Variants in STAC observed in about 807,000 individuals in gnomAD.
STAC encodes the protein SH3 and cysteine-rich domain-containing protein.
Under a neutral mutation model 48.8 loss-of-function variants are expected in STAC, and 43 were observed. That is an observed-to-expected ratio of 0.88 (90% CI 0.69 to 1.14). The LOEUF (loss-of-function observed/expected upper bound fraction) is 1.14, where lower values mean the gene tolerates loss of function less well. Ranked by LOEUF, STAC falls within the 50% of genes most tolerant of loss-of-function variation. The pLI is 0.00. For synonymous variants in STAC, 193 were observed against 179.5 expected (o/e 1.07, Z -0.60); for missense variants, 497 against 504.0 (o/e 0.99, Z 0.13).
intron 10 of STAC, among the ~76,000 whole-genome samples, chr3:36,545,279 T>C (rs1243676997): frequency 6.6e-6 from 1 of 152,226 alleles, no homozygotes; most frequent in African/African-American, 2.4e-5. Flanking sequence ...AATTCTGTGA[T>C]GCAATTCATG....
chr3:36,420,475 C>T (rs1700423990), intron 1 of STAC, among the ~76,000 whole-genome samples: 1 of 152,134 alleles, frequency 6.6e-6, no homozygotes, highest in Non-Finnish European at 1.5e-5. Flanking sequence ...AGGTGAGTGG[C>T]GGGCTAGTGA....
chr3:36,542,722 C>T (rs1425185776), intron 10 of STAC, among the ~76,000 whole-genome samples: 1 of 152,164 alleles, frequency 6.6e-6, no homozygotes, highest in Non-Finnish European at 1.5e-5. Context: ...AGTCAGATTA[C>T]TAAATGTTGT....
chr3:36,514,995 G>A (rs1240852267), intron 8 of STAC, among the ~76,000 whole-genome samples: 7 of 151,854 alleles, frequency 4.6e-5, no homozygotes, highest in Non-Finnish European at 5.9e-5. Context: ...CCAAGATCAC[G>A]CCATTGCCCT....
At chr3:36,472,353 A>T (rs1311844725) in intron 2 of STAC, among the ~76,000 whole-genome samples, 1 of 152,210 alleles carries the variant, frequency 6.6e-6, no homozygotes, top group Non-Finnish European at 1.5e-5. Flanking sequence ...GCTGCCATGA[A>T]GACCTCTGAT....
intron 5 of STAC, among the ~76,000 whole-genome samples, chr3:36,486,510 C>G (rs904364957): frequency 2.6e-5 from 4 of 152,182 alleles, no homozygotes; most frequent in Non-Finnish European, 4.4e-5. Flanking sequence ...CCATGGACCC[C>G]CTCTCCTTTA....
At chr3:36,498,631 T>G (rs1318160363) in intron 6 of STAC, among the ~76,000 whole-genome samples, 3 of 152,120 alleles carry the variant, frequency 2.0e-5, no homozygotes, top group Admixed American at 1.3e-4. Context: ...TGCCTGTCTG[T>G]AATCCCAGCT....
At chr3:36,494,166 A>AG (rs1698072971) in intron 6 of STAC, among the ~76,000 whole-genome samples, 1 of 150,756 alleles carries the variant, frequency 6.6e-6, no homozygotes, top group Admixed American at 6.6e-5. Context: ...AAAAAAAAAA[A>AG]AAAAAAAAGA....
At chr3:36,389,466 G>A (rs1028964219) in intron 1 of STAC, among the ~76,000 whole-genome samples, 6 of 151,990 alleles carry the variant, frequency 3.9e-5, no homozygotes, top group South Asian at 2.1e-4. Flanking sequence ...TTTTAATACC[G>A]TCATACTGGT....
At chr3:36,393,528 T>C (rs1559475225) in intron 1 of STAC, among the ~76,000 whole-genome samples, 2 of 151,972 alleles carry the variant, frequency 1.3e-5, no homozygotes, top group Admixed American at 6.6e-5. Flanking sequence ...TGAATATGTG[T>C]GCCCTCCAAA....
intron 2 of STAC, among the ~76,000 whole-genome samples, chr3:36,450,802 G>C (rs1696654883): frequency 6.6e-6 from 1 of 152,180 alleles, no homozygotes; most frequent in East Asian, 1.9e-4. Context: ...CGGGATTACA[G>C]GTGTGAGCCA....
At chr3:36,434,319 T>C (rs943416756) in intron 1 of STAC, among the ~76,000 whole-genome samples, 1 of 152,120 alleles carries the variant, frequency 6.6e-6, no homozygotes, top group Non-Finnish European at 1.5e-5. Context: ...AAAACGAAAA[T>C]AGTGAGCATT....
chr3:36,514,630 C>T (rs1698625269), intron 8 of STAC, among the ~76,000 whole-genome samples: 1 of 152,150 alleles, frequency 6.6e-6, no homozygotes, highest in East Asian at 1.9e-4. Flanking sequence ...ATAGTAGATG[C>T]ATAGTAGATA....
At chr3:36,493,054 T>A (rs74428995) in intron 5 of STAC, 97 bp from the exon 6 acceptor site, 1 of 1,186,216 alleles carries the variant, frequency 8.4e-7, no homozygotes, top group East Asian at 2.5e-5. Context: ...TTATGTGTCA[T>A]GCAAATTCTA....
chr3:36,415,861 A>C (rs1353423391), intron 1 of STAC, among the ~76,000 whole-genome samples: 1 of 152,086 alleles, frequency 6.6e-6, no homozygotes, highest in Non-Finnish European at 1.5e-5. Flanking sequence ...TTCTACATGC[A>C]CTCACCCATC....
Position 36,482,856 on chromosome 3 carries a change from T to G in STAC, c.389-136T>G, listed in dbSNP as rs1009315493. The G allele has an allele frequency of 4.8e-6, 3 of 626,052 alleles. No homozygotes were observed. In the African/African-American group the frequency reaches 5.6e-5, roughly 12 times the overall value. 38.8% of individuals were successfully genotyped at this position (626,052 alleles called of 1,614,324 possible). A position where few individuals can be genotyped will look rare whatever the true frequency, so the allele number is the denominator to read the frequency against. On this transcript the variant is annotated intron_variant, in intron 2 of 10. Coordinates refer to ENST00000273183, the MANE Select transcript of STAC (RefSeq NM_003149.3). ...AGCAAAAGAATCTACCATATATATT[T>G]TTTTTCTATTTTGAAAGCTTCATGA...
chr3:36,462,217 A>G (rs1697037513), intron 2 of STAC, among the ~76,000 whole-genome samples: 1 of 152,176 alleles, frequency 6.6e-6, no homozygotes, highest in African/African-American at 2.4e-5. Flanking sequence ...TGGAGTTTCC[A>G]TCAACTTAGA....
In STAC at chr3:36,443,440, G is replaced by A. The variant is rs372584922; in HGVS notation, c.188G>A (p.Arg63Gln). Residue 63 changes from arginine (R) to glutamine (Q), a missense_variant, in exon 2 of 11, where the codon CGA becomes CAA. Transcript: ENST00000273183. This position sits in a 1 kb window ranked among gnomAD's most constrained non-coding sequence, Gnocchi z 4.2. The part of the protein sequence containing the change: ...RSKSADNFFQ[R>Q]TNSEDMKLQA... The stretch of plus-strand genomic sequence containing the variant: ...AAAAGTGCTGACAACTTCTTCCAGC[G>A]AACCAACAGCGAAGACATGAAACTG... 4.2e-5 allele frequency: 67 copies of A among 1,614,042 alleles called. No homozygotes were observed. Among genetic ancestry groups the A allele is most frequent in the African/African-American group, 9.3e-5 (7 of 74,922 alleles).
At chr3:36,484,084 C>T (rs1397062411) in intron 3 of STAC, among the ~76,000 whole-genome samples, 1 of 152,190 alleles carries the variant, frequency 6.6e-6, no homozygotes, top group African/African-American at 2.4e-5. Context: ...CTGTCTTCAA[C>T]AATTTTAGAC....
chr3:36,502,857 T>A (rs1698311940), intron 6 of STAC, among the ~76,000 whole-genome samples: 1 of 152,228 alleles, frequency 6.6e-6, no homozygotes. Flanking sequence ...TTCTGGTTAC[T>A]TACAAACCAG....
Sources: allele counts gnomAD v4.1 joint callset (sites outside exome capture counted in the v4.1 genomes callset), GRCh38; gene constraint gnomAD v4.1.1; non-coding constraint Gnocchi (gnomAD v3.1); transcripts MANE v1.5; gene names NCBI Gene and HGNC (gene_info 2026-07-23, HGNC 2026-07-21).